Variants in TEF observed in about 807,000 individuals in gnomAD.
The protein encoded by TEF is thyrotroph embryonic factor.
A neutral mutation model predicts 20.8 loss-of-function variants in TEF; 3 were observed. The observed-to-expected ratio is 0.14, with a 90% CI of 0.07 to 0.37. The LOEUF is 0.37. TEF is among the 10% of genes least tolerant of loss of function. The pLI is 1.00. For synonymous variants in TEF, 180 were observed against 171.1 expected, an observed-to-expected ratio of 1.05 and a Z score of -0.41; for missense variants, 296 against 397.9, an observed-to-expected ratio of 0.74 and a Z score of 2.18.
At chr22:41,376,062 C>T (rs984128362) in intron 1 of TEF, among the ~76,000 whole-genome samples, 2 of 152,030 alleles carry the variant, frequency 1.3e-5, no homozygotes, top group African/African-American at 4.8e-5. Context: ...CTACTAGGTG[C>T]GGAATATATG....
upstream of TEF, chr22:41,381,922 G>C: frequency 8.2e-7 from 1 of 1,226,268 alleles, no homozygotes; most frequent in Non-Finnish European, 1.0e-6. Context: ...AAGGAGGCGG[G>C]GGCGCCATTG....
chr22:41,385,314 C>T (rs147043900), intron 1 of TEF, among the ~76,000 whole-genome samples: 5 of 152,098 alleles, frequency 3.3e-5, no homozygotes, highest in East Asian at 1.9e-4. Flanking sequence ...GAGCTGAGAC[C>T]GCGCCATTGC....
upstream of TEF, among the ~76,000 whole-genome samples, chr22:41,379,903 AAAAAGAAAAAAAG>A (rs1320043739): frequency 4.3e-5 from 4 of 93,402 alleles, no homozygotes; most frequent in East Asian, 6.5e-4. Flanking sequence ...CAAAAAAAAA[AAAAAGAAAAAAAG>A]AAAAGAAAAG....
chr22:41,372,230 C>T (rs73885784), intron 1 of TEF, among the ~76,000 whole-genome samples: 2 of 152,270 alleles, frequency 1.3e-5, no homozygotes, highest in African/African-American at 2.4e-5. Flanking sequence ...TCTTCCTTCC[C>T]ACCCTAGGTG....
At chr22:41,367,938 G>A (rs1160417468) in intron 1 of TEF, among the ~76,000 whole-genome samples, 2 of 152,166 alleles carry the variant, frequency 1.3e-5, no homozygotes, top group Non-Finnish European at 1.5e-5. Context: ...CCCTCCCCCT[G>A]TACGCTGGGG....
chr22:41,367,749 A>T, intron 1 of TEF: 1 of 730,930 alleles, frequency 1.4e-6, no homozygotes, highest in Non-Finnish European at 2.2e-6. Context: ...CAGAGTGCGG[A>T]GAGGGGTTCG....
Position 41,387,680 on chromosome 22 carries a change from G to C in TEF, c.475+12G>C, listed in dbSNP as rs767835243. 1 of 1,602,730 alleles carries C rather than the reference G, an allele frequency of 6.2e-7. No individual in the cohort carries two copies. ...CGTGTCCAGCACAGGTTGGTGAAAG[G>C]CCATCGAGGAGGGCCACCTGTCCCA... On this transcript the variant is annotated intron_variant, in intron 2 of 3. Transcript: ENST00000266304.
At chr22:41,370,245 G>C (rs1449456347) in intron 1 of TEF, 2 of 321,462 alleles carry the variant, frequency 6.2e-6, no homozygotes, top group Non-Finnish European at 9.0e-6. Flanking sequence ...TACCCGAGTA[G>C]CTGGGACTAC....
chr22:41,367,792 T>C (rs1024703852), intron 1 of TEF, among the ~76,000 whole-genome samples: 7 of 152,088 alleles, frequency 4.6e-5, no homozygotes, highest in Admixed American at 2.0e-4. Context: ...TCTGGGACTC[T>C]CTCCTAGGCC....
At chr22:41,395,455 G>A (rs943701289) in intron 3 of TEF, among the ~76,000 whole-genome samples, 1 of 152,150 alleles carries the variant, frequency 6.6e-6, no homozygotes, top group Non-Finnish European at 1.5e-5. Context: ...GTAAGGCAAG[G>A]GTGTGGACAG....
intron 1 of TEF, among the ~76,000 whole-genome samples, chr22:41,374,960 A>G (rs972182982): frequency 6.6e-6 from 1 of 152,132 alleles, no homozygotes; most frequent in African/African-American, 2.4e-5. Context: ...ATGCAGTCCA[A>G]ACCCCTGTTG....
chr22:41,379,893 CAA>C (rs1221059649), upstream of TEF, among the ~76,000 whole-genome samples: 3 of 45,096 alleles, frequency 6.7e-5, no homozygotes, highest in Non-Finnish European at 9.8e-5. Flanking sequence ...AACTCCGTCT[CAA>C]AAAAAAAAAA....
At chr22:41,370,019 C>G in intron 1 of TEF, 2 of 985,424 alleles carry the variant, frequency 2.0e-6, no homozygotes, top group Non-Finnish European at 2.4e-6. Flanking sequence ...GGGAAGTGTA[C>G]AGGAAAGTCT....
At chr22:41,388,466 C>T (rs1431819007) in intron 2 of TEF, among the ~76,000 whole-genome samples, 2 of 151,914 alleles carry the variant, frequency 1.3e-5, no homozygotes. Flanking sequence ...AGGTGATCGA[C>T]CTACGTTGGC....
At chr22:41,384,405 T>C (rs945201012) in intron 1 of TEF, among the ~76,000 whole-genome samples, 15 of 152,108 alleles carry the variant, frequency 9.9e-5, no homozygotes, top group African/African-American at 3.6e-4. Flanking sequence ...CCCCACTAAT[T>C]GATTAGTTTT....
intron 1 of TEF, among the ~76,000 whole-genome samples, chr22:41,384,770 G>C (rs1355579161): frequency 1.3e-5 from 2 of 151,088 alleles, no homozygotes; most frequent in Non-Finnish European, 2.9e-5. Context: ...TTTTTCTTTC[G>C]AGACAGACTT....
chr22:41,367,635 C>T (rs1156356008), intron 1 of TEF: 3 of 1,547,132 alleles, frequency 1.9e-6, no homozygotes, highest in Middle Eastern at 1.7e-4. Flanking sequence ...ATTGGCTGCC[C>T]AGGTACTCGA....
upstream of TEF, among the ~76,000 whole-genome samples, chr22:41,378,801 T>C (rs1394229229): frequency 6.6e-6 from 1 of 152,152 alleles, no homozygotes; most frequent in Non-Finnish European, 1.5e-5. Flanking sequence ...TTCCTTGGAA[T>C]GTCCTTTGTC....
chr22:41,393,384 C>T (rs1356257204), intron 2 of TEF, among the ~76,000 whole-genome samples: 1 of 151,038 alleles, frequency 6.6e-6, no homozygotes, highest in Non-Finnish European at 1.5e-5. Context: ...ATTCTTCAGT[C>T]TGTGTCTGCC....
Sources: gnomAD v4.1 joint callset for allele counts (sites outside exome capture counted in the v4.1 genomes callset) on GRCh38, gnomAD v4.1.1 for gene constraint, MANE v1.5 for transcripts, NCBI Gene and HGNC (gene_info 2026-07-23, HGNC 2026-07-21) for gene names.